Variants in SLC9C1 observed in about 807,000 individuals in gnomAD.
The protein encoded by SLC9C1 is solute carrier family 9 member C1.
SLC9C1 carries 97 observed loss-of-function variants against 140.9 expected under a neutral mutation model. That is an observed-to-expected ratio of 0.69 (90% CI 0.58 to 0.82). The LOEUF (loss-of-function observed/expected upper bound fraction) is 0.82. Ranked by LOEUF, SLC9C1 falls within the 40% of genes least tolerant of loss-of-function variation. SLC9C1 has a pLI of 0.00. For missense variants in SLC9C1, 1,340 were observed against 1,389.3 expected, an observed-to-expected ratio of 0.96 and a Z score of 0.56; for synonymous variants, 440 against 442.6, an observed-to-expected ratio of 0.99 and a Z score of 0.07.
In SLC9C1 at chr3:112,167,442, T is replaced by C. The variant is rs2077160784; in HGVS notation, c.3238-95A>G. On this transcript the variant is annotated intron_variant, in intron 25 of 28. Coordinates refer to ENST00000305815, the MANE Select transcript of SLC9C1 (RefSeq NM_183061.3). ...TGCTATTTCTGGCTTTCTCTAGGTA[T>C]CTGGGAAAAATGGAAAATATTAACA... 6 of 1,266,962 alleles carry C rather than the reference T, an allele frequency of 4.7e-6. No homozygotes were observed. The South Asian group carries it at 8.2e-5, about 17-fold the overall frequency. The allele number at this position is 1,266,962 out of a possible 1,614,324, so 78.5% of individuals were successfully genotyped here.
At chr3:112,178,482 C>T (rs759708123) in intron 23 of SLC9C1, among the ~76,000 whole-genome samples, 27 of 152,266 alleles carry the variant, frequency 1.8e-4, no homozygotes, top group Non-Finnish European at 3.1e-4. Context: ...TATTTGTCTA[C>T]AGACTCTTCC....
chr3:112,213,162 A>T (rs1014735320), intron 15 of SLC9C1, among the ~76,000 whole-genome samples: 2 of 152,196 alleles, frequency 1.3e-5, no homozygotes, highest in African/African-American at 4.8e-5. Context: ...ATGCTGAGAG[A>T]CTTTGTCACC....
In SLC9C1 at chr3:112,169,433, G is replaced by T. The variant is rs147426717; in HGVS notation, c.2920-105C>A. ...CTATTAAAGCTAATAATTTAATTAG[G>T]TAAGATTCACATAATAGCATGGAAA... On this transcript the variant is annotated intron_variant, in intron 23 of 28. Coordinates refer to ENST00000305815, the MANE Select transcript of SLC9C1 (RefSeq NM_183061.3). 7 of 1,079,206 alleles carry T rather than the reference G, an allele frequency of 6.5e-6. No individual in the cohort carries two copies. The East Asian group carries it at 1.9e-4, about 29-fold the overall frequency. The allele number at this position is 1,079,206 out of a possible 1,614,324, so 66.9% of individuals were successfully genotyped here.
At chr3:112,185,594 T>G in intron 20 of SLC9C1, 2 of 1,603,862 alleles carry the variant, frequency 1.2e-6, no homozygotes, top group Middle Eastern at 3.3e-4. Flanking sequence ...GTCCCAGGGC[T>G]CGCCCGAAGC....
At chr3:112,246,600 C>T (rs142574593) in intron 10 of SLC9C1, among the ~76,000 whole-genome samples, 96 of 152,064 alleles carry the variant, frequency 6.3e-4, no homozygotes, top group African/African-American at 2.2e-3. Flanking sequence ...CCTTTTTAAG[C>T]TTCCAAGTGT....
intron 23 of SLC9C1, among the ~76,000 whole-genome samples, chr3:112,172,659 G>A (rs1383575674): frequency 6.6e-6 from 1 of 152,074 alleles, no homozygotes; most frequent in Admixed American, 6.5e-5. Flanking sequence ...ATCACTAGAT[G>A]TGATGTTAGC....
Position 112,280,922 on chromosome 3 carries a change from T to C in SLC9C1, c.89-139A>G, listed in dbSNP as rs1181898235. 4.8e-5 allele frequency: 34 copies of C among 715,216 alleles called. No individual in the cohort carries two copies. In the East Asian group the frequency reaches 9.4e-4, roughly 20 times the overall value. The allele number at this position is 715,216 out of a possible 1,614,324, so 44.3% of individuals were successfully genotyped here. A position where few individuals can be genotyped will look rare whatever the true frequency, so the allele number is the denominator to read the frequency against. On this transcript the variant is annotated intron_variant, in intron 2 of 28. Coordinates refer to ENST00000305815, the MANE Select transcript of SLC9C1 (RefSeq NM_183061.3). ...TGAGTTTAAAATCCTCCCTCACACT[T>C]ATCAGCACACAGAATCAGTGTAACT...
intron 12 of SLC9C1, among the ~76,000 whole-genome samples, chr3:112,234,914 GC>G (rs2078942676): frequency 6.6e-6 from 1 of 151,994 alleles, no homozygotes; most frequent in Non-Finnish European, 1.5e-5. Context: ...GTAGCATGAT[GC>G]CTCCAGCTTT....
intron 28 of SLC9C1, among the ~76,000 whole-genome samples, chr3:112,148,060 A>T (rs917650881): frequency 6.6e-6 from 1 of 152,182 alleles, no homozygotes; most frequent in African/African-American, 2.4e-5. Context: ...TAGTCTATTG[A>T]TAACATTTTC....
At chr3:112,185,740 G>A in intron 20 of SLC9C1, 1 of 1,538,852 alleles carries the variant, frequency 6.5e-7, no homozygotes, top group South Asian at 1.2e-5. Flanking sequence ...CTGAGCCCCC[G>A]GCCTGCCGGG....
chr3:112,202,212 T>C (rs775193142), intron 18 of SLC9C1, 38 bp downstream of exon 18: 5 of 1,605,472 alleles, frequency 3.1e-6, no homozygotes, highest in Non-Finnish European at 4.2e-6. Flanking sequence ...AACTGAGGGC[T>C]GAGTGAACTC....
intron 9 of SLC9C1, among the ~76,000 whole-genome samples, chr3:112,263,974 T>A (rs2079846968): frequency 6.6e-6 from 1 of 151,758 alleles, no homozygotes; most frequent in African/African-American, 2.4e-5. Context: ...ACAAAATATG[T>A]CAAATGTTGA....
At chr3:112,231,260 A>G in intron 13 of SLC9C1, 101 bp downstream of exon 13, 1 of 1,410,910 alleles carries the variant, frequency 7.1e-7, no homozygotes, top group South Asian at 1.3e-5. Flanking sequence ...GCCTTTGTAA[A>G]CAATCTATTA....
chr3:112,146,216 T>A (rs543946867), intron 28 of SLC9C1, among the ~76,000 whole-genome samples: 18 of 152,234 alleles, frequency 1.2e-4, no homozygotes, highest in African/African-American at 3.6e-4. Context: ...TTTTTTTTTT[T>A]AATCTAGCTA....
intron 26 of SLC9C1, among the ~76,000 whole-genome samples, chr3:112,163,807 G>A (rs1413459573): frequency 6.6e-6 from 1 of 152,174 alleles, no homozygotes; most frequent in East Asian, 1.9e-4. Flanking sequence ...GCAGAGCTGA[G>A]TACAATTCCT....
intron 23 of SLC9C1, among the ~76,000 whole-genome samples, chr3:112,178,836 A>T (rs57440318): frequency 1.3e-5 from 2 of 152,276 alleles, no homozygotes; most frequent in East Asian, 3.9e-4. Context: ...AGATTTTCTG[A>T]TTCTCTCATT....
At position 112,235,616 on chromosome 3, in the gene SLC9C1, A is replaced by C. The variant is rs1412415309; in HGVS notation, c.1447-4130T>G. Among the ~76,000 whole-genome samples the C allele has an allele frequency of 3.9e-5, 6 of 152,080 alleles. No individual in the cohort carries two copies. The East Asian group carries it at 1.2e-3, about 30-fold the overall frequency. On this transcript the variant is annotated intron_variant, in intron 12 of 28. Transcript: ENST00000305815. ...GTATGATATTGGCTGTGGGTTTGTC[A>C]TAGATAGCTCTTATTATTTTGAAAT...
Position 112,280,757 on chromosome 3 carries a change from A to G in SLC9C1, c.115T>C (p.Phe39Leu). Residue 39 changes from phenylalanine to leucine, a missense_variant, in exon 3 of 29, where the codon TTT (phenylalanine) becomes CTT (leucine). Transcript: ENST00000305815. ...AATATCACAGGGACAGGAATTGGAA[A>G]GTCTTCCAAGTGCCGGTTCAAAAAT... The part of the protein sequence containing the change: ...GAFLNRHLED[F>L]PIPVPVILFL... 1 of 1,611,414 alleles carries G rather than the reference A, an allele frequency of 6.2e-7. No individual in the cohort carries two copies. Among genetic ancestry groups the G allele is most frequent in the Non-Finnish European group, 8.5e-7 (1 of 1,179,318 alleles).
At position 112,155,025 on chromosome 3, in the gene SLC9C1, C is replaced by T. The variant is rs776366120; in HGVS notation, c.3389G>A (p.Gly1130Asp). The T allele has an allele frequency of 6.2e-6, 10 of 1,607,932 alleles. No homozygotes were observed. The highest frequency in any genetic ancestry group is 7.6e-6 in the Non-Finnish European group (9 of 1,178,532). Residue 1130 changes from glycine (G) to aspartate (D), a missense_variant, in exon 27 of 29, where the codon GGC (glycine) becomes GAC (aspartate). Transcript: ENST00000305815. ...LIGSVGTLEE[G>D]IQEERNVKED... ...CTTAACATTTCTTTCTTCTTGAATG[C>T]CTTCTTCCAATGTTCCAACTGAACC...
Sources: gnomAD v4.1 joint callset for allele counts (sites outside exome capture counted in the v4.1 genomes callset) on GRCh38, gnomAD v4.1.1 for gene constraint, MANE v1.5 for transcripts, NCBI Gene and HGNC (gene_info 2026-07-23, HGNC 2026-07-21) for gene names.